Variants in ZNF516 observed in about 807,000 individuals in gnomAD.
ZNF516 encodes the protein zinc finger protein 516.
ZNF516 carries 19 observed loss-of-function variants against 79.7 expected under a neutral mutation model. That is an observed-to-expected ratio of 0.24 (90% CI 0.17 to 0.35). The LOEUF is 0.35. ZNF516 is among the 10% of genes least tolerant of loss of function. The pLI is 1.00. For synonymous variants in ZNF516, 877 were observed against 739.5 expected (o/e 1.19, Z -3.02); for missense variants, 1,678 against 1,679.5 (o/e 1.00, Z 0.02).
At position 76,359,006 on chromosome 18, in the gene ZNF516, A is replaced by T. The variant is rs2074494413; in HGVS notation, c.*3492T>A. On this transcript the variant is annotated 3_prime_UTR_variant, in exon 7 of 7. Coordinates refer to ENST00000443185, the MANE Select transcript of ZNF516 (RefSeq NM_014643.4). ...TGCCCTTTCTGCACTCAACCCCTGC[A>T]GCCTGAAGGAGTGTGAGACGATGAA... 1 of 152,348 alleles carries T rather than the reference A, an allele frequency of 6.6e-6. No homozygotes were observed. Among genetic ancestry groups the T allele is most frequent in the Admixed American group, 6.5e-5 (1 of 15,278 alleles). 9.4% of individuals were successfully genotyped at this position (152,348 alleles called of 1,614,324 possible).
At position 76,441,659 on chromosome 18, in the gene ZNF516, G is replaced by A; in HGVS notation, c.1396C>T (p.Arg466Cys). 2 of 1,545,646 alleles carry A rather than the reference G, an allele frequency of 1.3e-6. No homozygotes were observed. Among genetic ancestry groups the A allele is most frequent in the Non-Finnish European group, 8.7e-7 (1 of 1,147,354 alleles). Reference protein sequence around the residue: ...YVLVSQEKRKREQDAPAAQGP... With the variant: ...YVLVSQEKRKCEQDAPAAQGP... The stretch of plus-strand genomic sequence containing the variant: ...TGCGCGGCTGGTGCATCCTGCTCAC[G>A]CTTGCGCTTCTCCTGGCTCACCAGG... The change falls in exon 3 of 7, where the codon CGT becomes TGT. Residue 466 changes from arginine to cysteine, a missense_variant. By Grantham distance (180) the Arg-to-Cys change is radical. Transcript: ENST00000443185.
At position 76,463,696 on chromosome 18, in the gene ZNF516, G is replaced by A. The variant is rs1269935858; in HGVS notation, c.-271-555C>T. Among the ~76,000 whole-genome samples, 5 of 152,276 alleles carry A rather than the reference G, an allele frequency of 3.3e-5. No homozygotes were observed. In the East Asian group the frequency reaches 5.8e-4, roughly 18 times the overall value. On this transcript the variant is annotated intron_variant, in intron 1 of 6. Coordinates refer to ENST00000443185, the MANE Select transcript of ZNF516 (RefSeq NM_014643.4). ...TAGGGAGCCAGTCTGTGACCGCAAC[G>A]CAGACGTGCCCACTGAAATCGGTGT... is the stretch of plus-strand genomic sequence containing the variant.
intron 2 of ZNF516, among the ~76,000 whole-genome samples, chr18:76,445,951 G>A (rs373039605): frequency 4.6e-5 from 7 of 152,330 alleles, no homozygotes; most frequent in East Asian, 1.9e-4. Context: ...CCAGAGAAGC[G>A]GCCTCTGTGC....
chr18:76,438,691 AAGGAG>A (rs998369694), intron 3 of ZNF516, among the ~76,000 whole-genome samples: 5 of 152,368 alleles, frequency 3.3e-5, no homozygotes, highest in Admixed American at 1.3e-4. Context: ...CATAAAAAAA[AAGGAG>A]AGGAGTTTCT....
At position 76,441,862 on chromosome 18, in the gene ZNF516, C is replaced by A. The variant is rs1911680177; in HGVS notation, c.1193G>T (p.Cys398Phe). 4 of 1,580,676 alleles carry A rather than the reference C, an allele frequency of 2.5e-6. No homozygotes were observed. Among genetic ancestry groups the A allele is most frequent in the South Asian group, 1.1e-5 (1 of 88,528 alleles). Residue 398 changes from cysteine (C) to phenylalanine (F), a missense_variant, in exon 3 of 7, where the codon TGC becomes TTC. Cys to Phe is a radical substitution (Grantham distance 205). Coordinates refer to ENST00000443185, the MANE Select transcript of ZNF516 (RefSeq NM_014643.4). ...NLRPSAAGDS[C>F]PGTQAGRRVA... ...CCGCCGTCCGGCCTGCGTGCCAGGGCACGAGTCGCCGGCCGCCGACGGCCT... is the reference window on the plus strand; with the variant it reads ...CCGCCGTCCGGCCTGCGTGCCAGGGAACGAGTCGCCGGCCGCCGACGGCCT...
intron 1 of ZNF516, among the ~76,000 whole-genome samples, chr18:76,486,002 T>G (rs1914812527): frequency 6.6e-6 from 1 of 152,192 alleles, no homozygotes; most frequent in African/African-American, 2.4e-5. Context: ...CTTCTCTTTC[T>G]GACCTGCCCA....
chr18:76,400,120 G>T (rs2075199584), intron 3 of ZNF516, among the ~76,000 whole-genome samples: 1 of 152,100 alleles, frequency 6.6e-6, no homozygotes, highest in African/African-American at 2.4e-5. Context: ...GTGTGAAAGG[G>T]CTGGAAATTC....
chr18:76,429,289 A>G (rs2075633068), intron 3 of ZNF516, among the ~76,000 whole-genome samples: 2 of 152,260 alleles, frequency 1.3e-5, no homozygotes, highest in African/African-American at 4.8e-5. Context: ...ATGCAGGCAC[A>G]TGGAGACTCC....
intron 3 of ZNF516, chr18:76,386,896 T>C (rs192118724): frequency 4.1e-4 from 62 of 152,272 alleles, no homozygotes; most frequent in African/African-American, 1.5e-3. Context: ...CCACAGGATG[T>C]GGTATAATTT....
At chr18:76,490,734 G>A (rs906890770) in intron 1 of ZNF516, 5 of 982,164 alleles carry the variant, frequency 5.1e-6, no homozygotes, top group Non-Finnish European at 4.8e-6. Flanking sequence ...ATGCCTTTCT[G>A]CTGTATGTGT....
chr18:76,439,863 A>G (rs2075792020), intron 3 of ZNF516, among the ~76,000 whole-genome samples: 1 of 152,198 alleles, frequency 6.6e-6, no homozygotes, highest in South Asian at 2.1e-4. Context: ...TGTATTTATA[A>G]AAATAAAAAA....
chr18:76,468,988 G>A (rs1178633751), intron 1 of ZNF516, among the ~76,000 whole-genome samples: 4 of 152,188 alleles, frequency 2.6e-5, no homozygotes, highest in Non-Finnish European at 5.9e-5. Flanking sequence ...CACTTGGGGA[G>A]AGCCTCCAGG....
Position 76,442,083 on chromosome 18 carries a change from C to A in ZNF516, c.972G>T (p.Glu324Asp), listed in dbSNP as rs1911704883. ...PIATINNVVQ[E>D]EVIVAGLSLY... ...GGCTCAGGCCGGCGACGATCACCTCCTCCTGGACCACGTTGTTGATGGTGG... is the reference window on the plus strand; with the variant it reads ...GGCTCAGGCCGGCGACGATCACCTCATCCTGGACCACGTTGTTGATGGTGG... Residue 324 changes from glutamate (E) to aspartate (D), a missense_variant, in exon 3 of 7, where the codon GAG becomes GAT. Around this residue, in one of 5 missense-constraint regions of ZNF516, gnomAD observed 1,294 missense variants for 1,248.3 expected, o/e 1.04. Transcript: ENST00000443185. The A allele has an allele frequency of 6.2e-7, 1 of 1,613,920 alleles. No homozygotes were observed. Among genetic ancestry groups the A allele is most frequent in the Non-Finnish European group, 8.5e-7 (1 of 1,179,908 alleles).
chr18:76,391,760 G>A (rs2075077297), intron 3 of ZNF516, among the ~76,000 whole-genome samples: 1 of 152,230 alleles, frequency 6.6e-6, no homozygotes, highest in African/African-American at 2.4e-5. Context: ...AGGCAACCAG[G>A]TGGAAAACTG....
At chr18:76,457,015 C>G (rs998612186) in intron 2 of ZNF516, among the ~76,000 whole-genome samples, 15 of 152,334 alleles carry the variant, frequency 9.8e-5, no homozygotes, top group Admixed American at 9.8e-4. Context: ...GGGAAGACCA[C>G]AGGCTTCAGA....
intron 1 of ZNF516, chr18:76,491,651 A>G: frequency 1.7e-6 from 1 of 598,432 alleles, no homozygotes; most frequent in Non-Finnish European, 2.0e-6. Context: ...CTGGCAGCCC[A>G]GCAACAAGCG....
At chr18:76,492,734 C>A (rs1381199106) in intron 1 of ZNF516, 3 of 985,542 alleles carry the variant, frequency 3.0e-6, no homozygotes, top group Non-Finnish European at 3.6e-6. Context: ...TCACAGCCCT[C>A]CTCTTTTCTC....
At chr18:76,408,305 A>T (rs1599042313) in intron 3 of ZNF516, among the ~76,000 whole-genome samples, 1 of 152,194 alleles carries the variant, frequency 6.6e-6, no homozygotes, top group South Asian at 2.1e-4. Context: ...GGGTGAACTG[A>T]TCCTCATCCA....
chr18:76,425,586 G>A (rs916621906), intron 3 of ZNF516, among the ~76,000 whole-genome samples: 1 of 152,144 alleles, frequency 6.6e-6, no homozygotes, highest in African/African-American at 2.4e-5. Flanking sequence ...TCCACATCTG[G>A]GAAGCCCATG....
Sources: gnomAD v4.1 joint callset for allele counts (sites outside exome capture counted in the v4.1 genomes callset) on GRCh38, gnomAD v4.1.1 for gene constraint, gnomAD v4.1.1 regional missense constraint, MANE v1.5 for transcripts, NCBI Gene and HGNC (gene_info 2026-07-23, HGNC 2026-07-21) for gene names.